The following GNE variants were observed in gnomAD, a reference collection of about 807,000 sequenced individuals.
GNE encodes glucosamine (UDP-N-acetyl)-2-epimerase/N-acetylmannosamine kinase, also known as bifunctional UDP-N-acetylglucosamine 2-epimerase/N-acetylmannosamine kinase.
GNE carries 41 observed loss-of-function variants against 61.8 expected under a neutral mutation model. The ratio of observed to expected loss-of-function variants is 0.66; its 90% CI spans 0.52 to 0.86. The LOEUF (loss-of-function observed/expected upper bound fraction) is 0.86, where lower values mean the gene tolerates loss of function less well. Among genes scored for constraint, GNE ranks in the 40% least tolerant of loss-of-function variants. The probability of loss-of-function intolerance (pLI) is 0.00; values close to 1 mark genes in which losing one functional copy is unlikely to be tolerated. For synonymous variants in GNE, 264 were observed against 326.4 expected, an observed-to-expected ratio of 0.81 and a Z score of 2.06; for missense variants, 608 against 909.1, an observed-to-expected ratio of 0.67 and a Z score of 4.26.
At chr9:36,239,406 A>C (rs893480758) in intron 3 of GNE, among the ~76,000 whole-genome samples, 4 of 151,982 alleles carry the variant, frequency 2.6e-5, no homozygotes, top group Admixed American at 6.6e-5. Flanking sequence ...ATCCATGAGC[A>C]TGGGATGTGT....
At chr9:36,229,580 G>A (rs1367481569) in intron 5 of GNE, among the ~76,000 whole-genome samples, 1 of 152,228 alleles carries the variant, frequency 6.6e-6, no homozygotes, top group African/African-American at 2.4e-5. Context: ...GCTAAGAAGA[G>A]AAGAGTGGAC....
chr9:36,231,884 A>T (rs1829169509), intron 5 of GNE, among the ~76,000 whole-genome samples: 1 of 152,206 alleles, frequency 6.6e-6, no homozygotes, highest in African/African-American at 2.4e-5. Flanking sequence ...TTGATATCTA[A>T]TAGGCATCTC....
Position 36,218,857 on chromosome 9 carries a change from G to A in GNE, c.1817-558C>T, listed in dbSNP as rs1296769817. Among the ~76,000 whole-genome samples the A allele has an allele frequency of 6.6e-6, 1 of 152,198 alleles. No individual in the cohort carries two copies. The highest frequency in any genetic ancestry group is 1.9e-4 in the East Asian group (1 of 5,188). Reference sequence around the variant, plus strand: ...GCCTCCCCTGGCAGGGTTATTTGAGGAACGGAATGAGATCATGGACATAAA... The same window carrying A: ...GCCTCCCCTGGCAGGGTTATTTGAGAAACGGAATGAGATCATGGACATAAA... On this transcript the variant is annotated intron_variant, in intron 10 of 11. Coordinates refer to ENST00000642385, the MANE Select transcript of GNE (RefSeq NM_005476.7). The surrounding 1 kb of genome is among the most constrained non-coding windows in gnomAD (Gnocchi z 4.1).
chr9:36,241,727 A>G (rs1727009752), intron 3 of GNE, among the ~76,000 whole-genome samples: 2 of 152,070 alleles, frequency 1.3e-5, no homozygotes, highest in African/African-American at 4.8e-5. Context: ...CCTTTTTAAC[A>G]TTGCTAATTT....
At position 36,218,507 on chromosome 9, in the gene GNE, A is replaced by G. The variant is rs189597163; in HGVS notation, c.1817-208T>C. 2.6e-5 allele frequency among the ~76,000 whole-genome samples: 4 copies of G among 152,242 alleles called. No individual in the cohort carries two copies. The highest frequency in any genetic ancestry group is 2.0e-4 in the Admixed American group (3 of 15,300). ...ATTGGTTGTACATAACCCAGAACCT[A>G]TCTTCCTGGAAAAACCTCAAGTCTG... On this transcript the variant is annotated intron_variant, in intron 10 of 11. Transcript: ENST00000642385. The surrounding 1 kb of genome is among the most constrained non-coding windows in gnomAD (Gnocchi z 4.1).
chr9:36,234,497 C>T (rs1021300853), intron 4 of GNE, among the ~76,000 whole-genome samples: 3 of 152,068 alleles, frequency 2.0e-5, no homozygotes, highest in African/African-American at 7.2e-5. Context: ...CTCTCAGGCT[C>T]CACACACCAA....
In GNE at chr9:36,218,372, AAAGC is replaced by A; in HGVS notation, c.1817-77_1817-74del. The A allele has an allele frequency of 9.6e-7, 1 of 1,037,126 alleles. No individual in the cohort carries two copies. The highest frequency in any genetic ancestry group is 1.5e-6 in the Non-Finnish European group (1 of 656,336). The allele number at this position is 1,037,126 out of a possible 1,614,324, so 64.2% of individuals were successfully genotyped here. ...GCCAAGCTCACCACTGGGCCTGTGG[AAAGC>A]AAGCCCCTACATGGGAAGACGGTGT... On this transcript the variant is annotated intron_variant, in intron 10 of 11. Coordinates refer to ENST00000642385, the MANE Select transcript of GNE (RefSeq NM_005476.7). This position sits in a 1 kb window ranked among gnomAD's most constrained non-coding sequence, Gnocchi z 4.1.
chr9:36,224,609 C>A (rs534546380), intron 7 of GNE, among the ~76,000 whole-genome samples: 2 of 152,198 alleles, frequency 1.3e-5, no homozygotes, highest in African/African-American at 2.4e-5. Context: ...TGGCTCACGC[C>A]TGTAATCCCA....
intron 9 of GNE, among the ~76,000 whole-genome samples, chr9:36,221,402 CTG>C (rs1249674626): frequency 2.0e-5 from 3 of 152,154 alleles, no homozygotes; most frequent in Admixed American, 1.3e-4. Context: ...TTAGACATAT[CTG>C]TATCAGATGC....
At chr9:36,270,516 CTTT>C (rs1172459956) in intron 1 of GNE, among the ~76,000 whole-genome samples, 8 of 131,676 alleles carry the variant, frequency 6.1e-5, no homozygotes, top group Admixed American at 2.3e-4. Flanking sequence ...GGATTTCTTT[CTTT>C]TTTTTTTTTT....
Position 36,246,342 on chromosome 9 carries a change from A to G in GNE, c.305T>C (p.Leu102Pro), listed in dbSNP as rs760704097. ...LVKLPDVLNR[L>P]KPDIMIVHGD... The stretch of plus-strand genomic sequence containing the variant: ...ATGAACAATCATGATATCAGGCTTC[A>G]GGCGATTAAGGACATCTGGCAGCTT... Residue 102 changes from leucine (L) to proline (P), a missense_variant, in exon 3 of 12, where the codon CTG becomes CCG. Coordinates refer to ENST00000642385, the MANE Select transcript of GNE (RefSeq NM_005476.7). The G allele has an allele frequency of 7.4e-6, 12 of 1,614,036 alleles. No homozygotes were observed. The African/African-American group carries it at 1.2e-4, about 16-fold the overall frequency.
chr9:36,223,088 T>G, intron 8 of GNE, 90 bp from the exon 9 acceptor site: 1 of 1,219,048 alleles, frequency 8.2e-7, no homozygotes, highest in Non-Finnish European at 1.2e-6. Context: ...CACAGATTCA[T>G]TCACCCCAGA....
chr9:36,247,883 G>A (rs964940737), intron 2 of GNE, among the ~76,000 whole-genome samples: 4 of 151,734 alleles, frequency 2.6e-5, no homozygotes, highest in Non-Finnish European at 4.4e-5. Context: ...AAAATTAGCC[G>A]GGCATGGTGG....
chr9:36,269,941 C>T (rs1384496741), intron 1 of GNE, among the ~76,000 whole-genome samples: 1 of 152,016 alleles, frequency 6.6e-6, no homozygotes, highest in Admixed American at 6.6e-5. Flanking sequence ...GGATTACAGG[C>T]GTGAGCCACC....
chr9:36,221,485 A>G (rs1250177890), intron 9 of GNE, among the ~76,000 whole-genome samples: 1 of 152,194 alleles, frequency 6.6e-6, no homozygotes, highest in Non-Finnish European at 1.5e-5. Flanking sequence ...AAATATATAC[A>G]ACAAAAATAA....
At chr9:36,254,634 G>A (rs1405909040) in intron 1 of GNE, among the ~76,000 whole-genome samples, 2 of 151,918 alleles carry the variant, frequency 1.3e-5, no homozygotes, top group African/African-American at 2.4e-5. Context: ...CTTGAGTTGA[G>A]AGAATGCAAA....
rs377680193 is a variant in GNE at position 36,246,533 on chromosome 9, C to T, written c.165-51G>A. The T allele has an allele frequency of 4.9e-4, 650 of 1,314,882 alleles. 9 individuals carry two copies. Among genetic ancestry groups the T allele is most frequent in the Middle Eastern group, 2.5e-4 (1 of 3,984 alleles). 81.5% of individuals were successfully genotyped at this position (1,314,882 alleles called of 1,614,324 possible). A position where few individuals can be genotyped will look rare whatever the true frequency, so the allele number is the denominator to read the frequency against. Reference sequence around the variant, plus strand: ...TAAGAACATGTTCTTAAACACAGAGCCGTAACATGCAAGAAAAGCAATCTA... The same window carrying T: ...TAAGAACATGTTCTTAAACACAGAGTCGTAACATGCAAGAAAAGCAATCTA... On this transcript the variant is annotated intron_variant, in intron 2 of 11. Coordinates refer to ENST00000642385, the MANE Select transcript of GNE (RefSeq NM_005476.7).
intron 4 of GNE, among the ~76,000 whole-genome samples, chr9:36,236,544 A>G (rs995999303): frequency 2.0e-5 from 3 of 152,234 alleles, no homozygotes; most frequent in Non-Finnish European, 2.9e-5. Flanking sequence ...TGGCTTCTGC[A>G]GTTTCTTAAC....
intron 4 of GNE, among the ~76,000 whole-genome samples, chr9:36,234,369 C>G (rs1829307495): frequency 6.6e-6 from 1 of 152,128 alleles, no homozygotes; most frequent in Admixed American, 6.5e-5. Context: ...CAGAACTAGG[C>G]AAAGCAAATA....
Sources: allele counts gnomAD v4.1 joint callset (sites outside exome capture counted in the v4.1 genomes callset), GRCh38; gene constraint gnomAD v4.1.1; non-coding constraint Gnocchi (gnomAD v3.1); transcripts MANE v1.5; gene names NCBI Gene and HGNC (gene_info 2026-07-23, HGNC 2026-07-21).